Variants in DNAI4 observed in about 807,000 individuals in gnomAD.
The protein encoded by DNAI4 is WD repeat domain 78.
A neutral mutation model predicts 105.8 loss-of-function variants in DNAI4; 85 were observed. The observed-to-expected ratio is 0.80, with a 90% confidence interval of 0.67 to 0.96. The LOEUF (loss-of-function observed/expected upper bound fraction) is 0.96. Among genes scored for constraint, DNAI4 ranks in the 40% least tolerant of loss-of-function variants. The pLI is 0.00. For missense variants in DNAI4, 1,014 were observed against 1,005.6 expected (o/e 1.01, Z -0.11); for synonymous variants, 352 against 331.5 (o/e 1.06, Z -0.67).
At chr1:66,895,960 GATA>G (rs780198020) in intron 2 of DNAI4, among the ~76,000 whole-genome samples, 62 of 152,096 alleles carry the variant, frequency 4.1e-4, no homozygotes, top group Non-Finnish European at 7.9e-4. Context: ...AACTTTATTG[GATA>G]ATATTTTATT....
At chr1:66,822,213 A>C (rs1645644318) in intron 16 of DNAI4, 148 bp downstream of exon 16, 1 of 591,854 alleles carries the variant, frequency 1.7e-6, no homozygotes, top group African/African-American at 1.9e-5. Context: ...AGTAGGCACC[A>C]TGTATAGAAG....
At chr1:66,836,270 AAG>A (rs1557908865) in intron 10 of DNAI4, among the ~76,000 whole-genome samples, 1 of 69,750 alleles carries the variant, frequency 1.4e-5, no homozygotes. Flanking sequence ...GAAAGAAAGA[AAG>A]AAAGAAAGAA....
At chr1:66,839,842 GTT>G (rs1398009633) in intron 9 of DNAI4, among the ~76,000 whole-genome samples, 4 of 152,188 alleles carry the variant, frequency 2.6e-5, no homozygotes, top group African/African-American at 9.7e-5. Context: ...TCACCTACCA[GTT>G]GTGTGACTTT....
chr1:66,889,806 T>C (rs767457333), intron 4 of DNAI4, among the ~76,000 whole-genome samples: 8 of 152,192 alleles, frequency 5.3e-5, no homozygotes, highest in Non-Finnish European at 1.0e-4. Context: ...CCTCATGTTT[T>C]ACCCTCTGCC....
chr1:66,846,134 G>A (rs1646270370), intron 8 of DNAI4, among the ~76,000 whole-genome samples: 1 of 151,804 alleles, frequency 6.6e-6, no homozygotes, highest in Admixed American at 6.6e-5. Flanking sequence ...ATTTTGTTTT[G>A]TAAATGTCAA....
chr1:66,911,226 G>A (rs1158868005), intron 1 of DNAI4, among the ~76,000 whole-genome samples: 4 of 152,180 alleles, frequency 2.6e-5, no homozygotes, highest in Non-Finnish European at 4.4e-5. Flanking sequence ...CTGGTTTATT[G>A]TAAAGTATAT....
At chr1:66,837,959 C>T (rs1181796149) in intron 9 of DNAI4, among the ~76,000 whole-genome samples, 163 bp from the exon 10 acceptor site, 3 of 152,152 alleles carry the variant, frequency 2.0e-5, no homozygotes, top group Non-Finnish European at 4.4e-5. Context: ...TCTATACCTC[C>T]ATATTCCTAA....
chr1:66,893,117 G>GAAAGAAAGAA (rs1472049025), intron 3 of DNAI4, 112 bp downstream of exon 3: 7 of 517,110 alleles, frequency 1.4e-5, no homozygotes, highest in East Asian at 1.3e-4. Context: ...AAGAAAGAAA[G>GAAAGAAAGAA]AAAGAAACTG....
chr1:66,832,533 G>A (rs891778876), intron 13 of DNAI4, among the ~76,000 whole-genome samples: 4 of 152,134 alleles, frequency 2.6e-5, no homozygotes, highest in Non-Finnish European at 4.4e-5. Flanking sequence ...GTAGTTGGGG[G>A]TAGGGCAGTG....
intron 16 of DNAI4, among the ~76,000 whole-genome samples, chr1:66,814,966 T>G (rs184056227): frequency 2.0e-5 from 3 of 151,346 alleles, no homozygotes; most frequent in Admixed American, 1.3e-4. Context: ...GGGAGGTGAG[T>G]TTTTAAGCAA....
intron 2 of DNAI4, among the ~76,000 whole-genome samples, chr1:66,900,501 C>G (rs559738967): frequency 2.6e-5 from 4 of 152,146 alleles, no homozygotes; most frequent in Admixed American, 6.5e-5. Flanking sequence ...GGGAGTATAA[C>G]GATCTTAACA....
chr1:66,833,925 C>T (rs1367574041), intron 12 of DNAI4, 66 bp downstream of exon 12: 8 of 1,514,162 alleles, frequency 5.3e-6, no homozygotes, highest in Admixed American at 2.3e-5. Flanking sequence ...ATCTTTCACA[C>T]ATGGTTAACT....
At chr1:66,862,525 T>G (rs760125358) in intron 6 of DNAI4, among the ~76,000 whole-genome samples, 3 of 152,180 alleles carry the variant, frequency 2.0e-5, no homozygotes, top group Non-Finnish European at 4.4e-5. Flanking sequence ...AAATAGCCAC[T>G]GCACTCTAGC....
At chr1:66,816,331 A>G (rs1168048114) in intron 16 of DNAI4, among the ~76,000 whole-genome samples, 3 of 152,190 alleles carry the variant, frequency 2.0e-5, no homozygotes, top group East Asian at 1.9e-4. Context: ...TTTGGTGCAC[A>G]TCTTTCATAT....
At chr1:66,924,070 G>A (rs1650871516) in intron 1 of DNAI4, among the ~76,000 whole-genome samples, 1 of 152,228 alleles carries the variant, frequency 6.6e-6, no homozygotes, top group African/African-American at 2.4e-5. Context: ...CAGCATGAAA[G>A]CATCAAGCTT....
At chr1:66,862,803 C>T (rs533699259) in intron 6 of DNAI4, among the ~76,000 whole-genome samples, 826 of 152,306 alleles carry the variant, frequency 5.4e-3, no homozygotes, top group Non-Finnish European at 7.2e-3. Context: ...CACACCTCTA[C>T]AGCATAATCT....
chr1:66,860,305 A>G (rs1264239235), intron 7 of DNAI4, among the ~76,000 whole-genome samples: 1 of 152,106 alleles, frequency 6.6e-6, no homozygotes, highest in Non-Finnish European at 1.5e-5. Context: ...AACTTGTATA[A>G]TACATTCAAA....
intron 1 of DNAI4, among the ~76,000 whole-genome samples, chr1:66,908,604 T>A (rs1649427505): frequency 1.3e-5 from 2 of 152,214 alleles, no homozygotes; most frequent in African/African-American, 4.8e-5. Flanking sequence ...TCAATGGCAA[T>A]GACTTCCTAT....
At chr1:66,848,454 C>T in intron 7 of DNAI4, 10 of 355,720 alleles carry the variant, frequency 2.8e-5, no homozygotes, top group South Asian at 1.9e-4. Flanking sequence ...AACACATTCA[C>T]AGGTTCCAGG....
Sources: allele counts gnomAD v4.1 joint callset (sites outside exome capture counted in the v4.1 genomes callset), GRCh38; gene constraint gnomAD v4.1.1; transcripts MANE v1.5; gene names NCBI Gene and HGNC (gene_info 2026-07-23, HGNC 2026-07-21).